The following PARD6G variants were observed in gnomAD, a reference collection of about 807,000 sequenced individuals.
The protein encoded by PARD6G is par-6 family cell polarity regulator gamma, also known as partitioning defective 6 homolog gamma.
In PARD6G, 7 loss-of-function variants were observed where a neutral mutation model predicts 10.7. That is an observed-to-expected ratio of 0.66 (90% confidence interval 0.37 to 1.23). The LOEUF (loss-of-function observed/expected upper bound fraction) is 1.23. Ranked by LOEUF, PARD6G falls within the 50% of genes most tolerant of loss-of-function variation. The probability of loss-of-function intolerance (pLI) is 0.02; values close to 1 mark genes in which losing one functional copy is unlikely to be tolerated. For missense variants in PARD6G, 548 were observed against 571.8 expected (o/e 0.96, Z 0.42); for synonymous variants, 287 against 269.4 (o/e 1.07, Z -0.64).
Position 80,181,634 on chromosome 18 carries a change from T to A in PARD6G, c.296-21028A>T, listed in dbSNP as rs1201702197. On this transcript the variant is annotated intron_variant, in intron 2 of 2. Transcript: ENST00000353265. The surrounding 1 kb of genome is among the most constrained non-coding windows in gnomAD (Gnocchi z 7.9). ...AGGAGGGTCTCCTCCCCATCCTCCC[T>A]CATCAGCGACTGTGCCCCTGCCTCC... Among the ~76,000 whole-genome samples, 1 of 152,012 alleles carries A rather than the reference T, an allele frequency of 6.6e-6. No homozygotes were observed. Among genetic ancestry groups the A allele is most frequent in the African/African-American group, 2.4e-5 (1 of 41,392 alleles).
chr18:80,185,355 G>A (rs1241002948), intron 2 of PARD6G, among the ~76,000 whole-genome samples: 1 of 151,994 alleles, frequency 6.6e-6, no homozygotes, highest in Non-Finnish European at 1.5e-5. Flanking sequence ...GCCCAGGCTA[G>A]CTGTGAACTC....
Position 80,184,126 on chromosome 18 carries a change from G to A in PARD6G, c.295+18584C>T, listed in dbSNP as rs2052861152. The A allele has an allele frequency of 6.6e-6, 1 of 152,200 alleles. No individual in the cohort carries two copies. The highest frequency in any genetic ancestry group is 2.1e-4 in the South Asian group (1 of 4,828). 9.4% of individuals were successfully genotyped at this position (152,200 alleles called of 1,614,324 possible). A position where few individuals can be genotyped will look rare whatever the true frequency, so the allele number is the denominator to read the frequency against. ...AAACACTAGGGCTTCAACCAGATGA[G>A]GGGCGTTTAGGAAAACCCACAGCTG... On this transcript the variant is annotated intron_variant, in intron 2 of 2. Coordinates refer to ENST00000353265, the MANE Select transcript of PARD6G (RefSeq NM_032510.4). The surrounding 1 kb of genome is among the most constrained non-coding windows in gnomAD (Gnocchi z 4.5).
intron 2 of PARD6G, among the ~76,000 whole-genome samples, chr18:80,196,748 C>T (rs1357834357): frequency 6.6e-6 from 1 of 152,126 alleles, no homozygotes; most frequent in Admixed American, 6.6e-5. Flanking sequence ...GGAGGGGGGC[C>T]TCTGGCTCTG....
Position 80,181,342 on chromosome 18 carries a change from C to A in PARD6G, c.296-20736G>T, listed in dbSNP as rs2052847743. ...CTGGGATGTCTGCGGAAGCTGTGGT[C>A]CCGATGCCACACACGCCAAGGCAGG... is the stretch of plus-strand genomic sequence containing the variant. On this transcript the variant is annotated intron_variant, in intron 2 of 2. Transcript: ENST00000353265. The surrounding 1 kb of genome is among the most constrained non-coding windows in gnomAD (Gnocchi z 7.9). 6.6e-6 allele frequency among the ~76,000 whole-genome samples: 1 copy of A among 152,176 alleles called. No homozygotes were observed. The highest frequency in any genetic ancestry group is 1.5e-5 in the Non-Finnish European group (1 of 68,038).
rs1262947466 is a variant in PARD6G, at chr18:80,201,356, C to T, written c.295+1354G>A. Reference sequence around the variant, plus strand: ...CAGGACCAGCCAAGCAGCAAGCAGCCACTGCAGAGGGCAGCATACAGAGGA... The same window carrying T: ...CAGGACCAGCCAAGCAGCAAGCAGCTACTGCAGAGGGCAGCATACAGAGGA... On this transcript the variant is annotated intron_variant, in intron 2 of 2. Coordinates refer to ENST00000353265, the MANE Select transcript of PARD6G (RefSeq NM_032510.4). This position sits in a 1 kb window ranked among gnomAD's most constrained non-coding sequence, Gnocchi z 5.9. Among the ~76,000 whole-genome samples, 3 of 152,174 alleles carry T rather than the reference C, an allele frequency of 2.0e-5. No individual in the cohort carries two copies. In the East Asian group the frequency reaches 5.8e-4, roughly 29 times the overall value.
chr18:80,225,038 T>C (rs1967276729), intron 1 of PARD6G, among the ~76,000 whole-genome samples: 1 of 152,120 alleles, frequency 6.6e-6, no homozygotes. Flanking sequence ...GCTGGTTTCA[T>C]CTTAAACTCA....
intron 1 of PARD6G, among the ~76,000 whole-genome samples, chr18:80,208,048 A>G (rs1967070972): frequency 6.6e-6 from 1 of 152,024 alleles, no homozygotes; most frequent in South Asian, 2.1e-4. Flanking sequence ...CAGCATTTAG[A>G]TTTCACTGTA....
chr18:80,222,895 T>G (rs1345044219), intron 1 of PARD6G, among the ~76,000 whole-genome samples: 1 of 152,100 alleles, frequency 6.6e-6, no homozygotes, highest in Non-Finnish European at 1.5e-5. Flanking sequence ...AGGCTGGTCT[T>G]GAGCTCCTGG....
intron 2 of PARD6G, among the ~76,000 whole-genome samples, chr18:80,185,922 C>T (rs2052872952): frequency 7.9e-6 from 1 of 126,282 alleles, no homozygotes; most frequent in African/African-American, 3.1e-5. Flanking sequence ...ATGCATACAC[C>T]CTCACGCGGG....
At chr18:80,206,245 G>A (rs1165421357) in intron 1 of PARD6G, among the ~76,000 whole-genome samples, 3 of 152,216 alleles carry the variant, frequency 2.0e-5, no homozygotes, top group Non-Finnish European at 2.9e-5. Flanking sequence ...TGCTTCATAT[G>A]TTGAATGAGC....
Position 80,182,905 on chromosome 18 carries a change from T to C in PARD6G, c.295+19805A>G. On this transcript the variant is annotated intron_variant, in intron 2 of 2. Transcript: ENST00000353265. This position sits in a 1 kb window ranked among gnomAD's most constrained non-coding sequence, Gnocchi z 4.5. ...AGTTCTAGGTACAGGGCTAGATGTT[T>C]GGCTGAAGCTGCGTGTGCCACAACA... 1.7e-6 allele frequency: 1 copy of C among 586,466 alleles called. No homozygotes were observed. The highest frequency in any genetic ancestry group is 3.0e-5 in the Admixed American group (1 of 33,242). The allele number at this position is 586,466 out of a possible 1,614,324, so 36.3% of individuals were successfully genotyped here. A position where few individuals can be genotyped will look rare whatever the true frequency, so the allele number is the denominator to read the frequency against.
chr18:80,194,438 G>C (rs560447009), intron 2 of PARD6G, among the ~76,000 whole-genome samples: 2 of 152,252 alleles, frequency 1.3e-5, no homozygotes, highest in East Asian at 3.9e-4. Context: ...TATAAAAGGA[G>C]GAAACTTATA....
At chr18:80,165,942 C>T (rs1251428712) in intron 2 of PARD6G, among the ~76,000 whole-genome samples, 3 of 151,982 alleles carry the variant, frequency 2.0e-5, no homozygotes, top group Admixed American at 6.6e-5. Context: ...ATTAGCTGGG[C>T]GTTGTGGCAT....
chr18:80,200,336 C>T lies in PARD6G; in HGVS notation c.295+2374G>A, dbSNP rs1034802536. Among the ~76,000 whole-genome samples, 3 of 152,186 alleles carry T rather than the reference C, an allele frequency of 2.0e-5. No homozygotes were observed. Among genetic ancestry groups the T allele is most frequent in the Non-Finnish European group, 4.4e-5 (3 of 68,044 alleles). On this transcript the variant is annotated intron_variant, in intron 2 of 2. Transcript: ENST00000353265. This position sits in a 1 kb window ranked among gnomAD's most constrained non-coding sequence, Gnocchi z 4.4. ...GCCACCTGGAATGTCGTCATCTTTACAGTCAAATCCACTGAGGACAGCGAG... is the reference window on the plus strand; with the variant it reads ...GCCACCTGGAATGTCGTCATCTTTATAGTCAAATCCACTGAGGACAGCGAG...
chr18:80,163,686 G>A (rs1348068734), intron 2 of PARD6G, among the ~76,000 whole-genome samples: 2 of 152,228 alleles, frequency 1.3e-5, no homozygotes, highest in Non-Finnish European at 1.5e-5. Flanking sequence ...GCCCAGAACT[G>A]TAGGATACAG....
rs1427711784 is a variant in PARD6G at position 80,183,499 on chromosome 18, G to A, written c.295+19211C>T. 6.6e-6 allele frequency among the ~76,000 whole-genome samples: 1 copy of A among 152,130 alleles called. No individual in the cohort carries two copies. The highest frequency in any genetic ancestry group is 1.5e-5 in the Non-Finnish European group (1 of 68,028). ...CTGAGTCCCCCAAGGCTCAGCACGT[G>A]ATCCTGCCGGTCGTACACACAGCCC... On this transcript the variant is annotated intron_variant, in intron 2 of 2. Coordinates refer to ENST00000353265, the MANE Select transcript of PARD6G (RefSeq NM_032510.4). This position sits in a 1 kb window ranked among gnomAD's most constrained non-coding sequence, Gnocchi z 4.5.
rs553791563 is a variant in PARD6G, at chr18:80,247,374, G to A, written c.-26C>T. 27 of 1,541,722 alleles carry A rather than the reference G, an allele frequency of 1.8e-5. No homozygotes were observed. Among genetic ancestry groups the A allele is most frequent in the Admixed American group, 1.3e-4 (7 of 53,440 alleles). On this transcript the variant is annotated 5_prime_UTR_variant, in exon 1 of 3. The change creates a new upstream start codon in the 5' untranslated region. Transcript: ENST00000353265. The surrounding 1 kb of genome is among the most constrained non-coding windows in gnomAD (Gnocchi z 4.2). ...GGTTTCGGCCCCGGTCAGCCTCGCC[G>A]TCGCCCTCGCTCCTCAGGGGCCGCA... is the stretch of plus-strand genomic sequence containing the variant.
At chr18:80,241,548 C>T (rs1295651923) in intron 1 of PARD6G, among the ~76,000 whole-genome samples, 1 of 152,144 alleles carries the variant, frequency 6.6e-6, no homozygotes, top group Non-Finnish European at 1.5e-5. Context: ...AGGATGGTCC[C>T]TGGCACATAT....
At chr18:80,243,085 C>T (rs1007295613) in intron 1 of PARD6G, among the ~76,000 whole-genome samples, 1 of 152,034 alleles carries the variant, frequency 6.6e-6, no homozygotes, top group African/African-American at 2.4e-5. Flanking sequence ...AAGAATTTTG[C>T]ACTGGTTTAA....
Sources: allele counts gnomAD v4.1 joint callset (sites outside exome capture counted in the v4.1 genomes callset), GRCh38; gene constraint gnomAD v4.1.1; non-coding constraint Gnocchi (gnomAD v3.1); transcripts MANE v1.5; gene names NCBI Gene and HGNC (gene_info 2026-07-23, HGNC 2026-07-21).